The following SMG6 variants were observed in gnomAD, a reference collection of about 807,000 sequenced individuals.
The protein encoded by SMG6 is SMG6 nonsense mediated mRNA decay factor.
SMG6 carries 66 observed loss-of-function variants against 142.2 expected under a neutral mutation model. The ratio of observed to expected loss-of-function variants is 0.46; its 90% CI spans 0.38 to 0.57. The LOEUF (loss-of-function observed/expected upper bound fraction) is 0.57. SMG6 is among the 20% of genes least tolerant of loss of function. The pLI is 0.00. For synonymous variants in SMG6, 779 were observed against 702.4 expected (o/e 1.11, Z -1.72); for missense variants, 1,793 against 1,832.0 (o/e 0.98, Z 0.39).
chr17:2,146,948 G>A (rs2070686555), intron 13 of SMG6, among the ~76,000 whole-genome samples: 1 of 152,164 alleles, frequency 6.6e-6, no homozygotes, highest in African/African-American at 2.4e-5. Flanking sequence ...CTTTGAGCTG[G>A]GTAGGGCAGT....
chr17:2,179,970 G>C (rs2071756139), intron 12 of SMG6, among the ~76,000 whole-genome samples: 1 of 152,200 alleles, frequency 6.6e-6, no homozygotes. Context: ...AAAGTCCCCT[G>C]ACTCTTTCAC....
At chr17:2,130,471 G>A (rs888909142) in intron 13 of SMG6, among the ~76,000 whole-genome samples, 2 of 151,740 alleles carry the variant, frequency 1.3e-5, no homozygotes, top group African/African-American at 2.4e-5. Context: ...TTGTAAATAT[G>A]GCAATTGCTC....
intron 6 of SMG6, among the ~76,000 whole-genome samples, chr17:2,287,432 T>A (rs1377490625): frequency 2.0e-5 from 3 of 152,172 alleles, no homozygotes; most frequent in Non-Finnish European, 4.4e-5. Context: ...ATCAGAAGCC[T>A]TGCATGCTGT....
intron 12 of SMG6, among the ~76,000 whole-genome samples, chr17:2,176,161 G>A (rs2071647820): frequency 6.6e-6 from 1 of 152,220 alleles, no homozygotes; most frequent in Non-Finnish European, 1.5e-5. Flanking sequence ...TCAGGCCTCT[G>A]GGCTGGGAGG....
At chr17:2,155,817 A>G (rs2070981949) in intron 13 of SMG6, among the ~76,000 whole-genome samples, 1 of 152,232 alleles carries the variant, frequency 6.6e-6, no homozygotes, top group Non-Finnish European at 1.5e-5. Context: ...GGAAGCTGCC[A>G]TGTCTACCTC....
intron 10 of SMG6, among the ~76,000 whole-genome samples, chr17:2,193,276 C>T (rs911498630): frequency 6.6e-6 from 1 of 152,220 alleles, no homozygotes; most frequent in East Asian, 1.9e-4. Flanking sequence ...AAAGTGCCTG[C>T]TCCCCTTTCG....
intron 13 of SMG6, among the ~76,000 whole-genome samples, chr17:2,114,839 G>C (rs2151502289): frequency 6.6e-6 from 1 of 150,674 alleles, no homozygotes; most frequent in African/African-American, 2.4e-5. Flanking sequence ...TGAGGCACAA[G>C]AATCTCTTCA....
intron 13 of SMG6, among the ~76,000 whole-genome samples, chr17:2,148,101 C>T (rs1203221284): frequency 1.3e-5 from 2 of 151,842 alleles, no homozygotes; most frequent in African/African-American, 2.4e-5. Flanking sequence ...TGAGGTGGGA[C>T]GATCGTTTGA....
chr17:2,169,120 A>G (rs1657500876), intron 13 of SMG6, among the ~76,000 whole-genome samples: 1 of 150,520 alleles, frequency 6.6e-6, no homozygotes, highest in African/African-American at 2.4e-5. Context: ...AATACAAAAA[A>G]TTTAGCTGGT....
intron 10 of SMG6, among the ~76,000 whole-genome samples, chr17:2,234,614 A>G (rs566608930): frequency 3.9e-5 from 6 of 152,246 alleles, no homozygotes; most frequent in Admixed American, 2.6e-4. Context: ...AAAAAGACTC[A>G]CTGGTGGCCT....
rs1054269179 is a variant in SMG6 at position 2,285,156 on chromosome 17, T to A, written c.2338-1421A>T. Among the ~76,000 whole-genome samples, 22 of 152,226 alleles carry A rather than the reference T, an allele frequency of 1.4e-4. 1 individual carries two copies. The highest frequency in any genetic ancestry group is 1.2e-3 in the Admixed American group (19 of 15,280). ...GCTCACTTGTTTTCTCAACACATTTTTTTTTTCAGGGAAGAAAGCAAGTCA... is the reference window on the plus strand; with the variant it reads ...GCTCACTTGTTTTCTCAACACATTTATTTTTTCAGGGAAGAAAGCAAGTCA... On this transcript the variant is annotated intron_variant, in intron 6 of 18. Transcript: ENST00000263073.
At chr17:2,198,381 G>A (rs944750091) in intron 10 of SMG6, among the ~76,000 whole-genome samples, 1 of 152,304 alleles carries the variant, frequency 6.6e-6, no homozygotes, top group African/African-American at 2.4e-5. Context: ...AGAGCAGGAA[G>A]GAGCTTTGAG....
intron 8 of SMG6, among the ~76,000 whole-genome samples, chr17:2,275,029 G>GT (rs1226616452): frequency 9.9e-5 from 15 of 151,004 alleles, no homozygotes; most frequent in African/African-American, 3.2e-4. Context: ...AAAAATAGGC[G>GT]TGAGCATAAA....
chr17:2,206,579 T>TA (rs1010558986), intron 10 of SMG6, among the ~76,000 whole-genome samples: 40 of 150,846 alleles, frequency 2.7e-4, no homozygotes, highest in Non-Finnish European at 4.0e-4. Flanking sequence ...ATCTTGTCTC[T>TA]AAAAAAAATA....
intron 8 of SMG6, among the ~76,000 whole-genome samples, chr17:2,264,924 T>G (rs1011687035): frequency 1.3e-5 from 2 of 151,658 alleles, no homozygotes; most frequent in African/African-American, 4.8e-5. Context: ...AAAATTTCCT[T>G]AAAATCTTGT....
intron 15 of SMG6, among the ~76,000 whole-genome samples, chr17:2,073,804 C>T (rs940570563): frequency 2.6e-5 from 4 of 151,112 alleles, no homozygotes; most frequent in Non-Finnish European, 5.9e-5. Flanking sequence ...ATTAGCCAGG[C>T]GTGGTGGCAC....
chr17:2,149,861 C>T (rs2070774556), intron 13 of SMG6, among the ~76,000 whole-genome samples: 1 of 152,206 alleles, frequency 6.6e-6, no homozygotes, highest in African/African-American at 2.4e-5. Flanking sequence ...TCTAAGTCCA[C>T]AGGACTTTAA....
intron 8 of SMG6, among the ~76,000 whole-genome samples, chr17:2,248,769 A>C (rs1468495557): frequency 2.0e-5 from 3 of 152,250 alleles, no homozygotes; most frequent in African/African-American, 7.2e-5. Flanking sequence ...AAATGTAGAT[A>C]CATCTAGAAG....
chr17:2,075,177 G>C (rs1351131577), intron 15 of SMG6, among the ~76,000 whole-genome samples: 1 of 152,178 alleles, frequency 6.6e-6, no homozygotes, highest in Non-Finnish European at 1.5e-5. Flanking sequence ...ATACAGGTGT[G>C]GGGGGCTCTG....
Sources: gnomAD v4.1 joint callset for allele counts (sites outside exome capture counted in the v4.1 genomes callset) on GRCh38, gnomAD v4.1.1 for gene constraint, MANE v1.5 for transcripts, NCBI Gene and HGNC (gene_info 2026-07-23, HGNC 2026-07-21) for gene names.